The following IL17B variants were observed in gnomAD, a reference collection of about 807,000 sequenced individuals.
The protein encoded by IL17B is interleukin 17B, also known as interleukin-17B.
Under a neutral mutation model 14.7 loss-of-function variants are expected in IL17B, and 14 were observed. The observed-to-expected ratio is 0.95, with a 90% CI of 0.63 to 1.49. The LOEUF is 1.49. IL17B is among the 40% of genes most tolerant of loss of function. The pLI, the probability that IL17B is intolerant of heterozygous loss-of-function variation, is 0.00. For synonymous variants in IL17B, 105 were observed against 94.8 expected (o/e 1.11, Z -0.62); for missense variants, 233 against 252.8 (o/e 0.92, Z 0.53).
At chr5:149,385,339 GA>G (rs1758803111) in intron 1 of IL17B, among the ~76,000 whole-genome samples, 1 of 151,770 alleles carries the variant, frequency 6.6e-6, no homozygotes, top group Non-Finnish European at 1.5e-5. Flanking sequence ...TGGGCAACAA[GA>G]ATGAAACTCC....
At chr5:149,383,496 T>C (rs1758751614), upstream of IL17B, among the ~76,000 whole-genome samples, 1 of 152,210 alleles carries the variant, frequency 6.6e-6, no homozygotes, top group African/African-American at 2.4e-5. Flanking sequence ...CTTTGCTGGC[T>C]GCGACCAGGA....
In IL17B at chr5:149,377,009, ATGG is replaced by A; in HGVS notation, c.35_37del (p.Thr12del). On this transcript the variant is annotated inframe_deletion, in exon 2 of 3. Transcript: ENST00000261796. ...CTGGCCCAGCCCCAGGAAGATGGAA[ATGG>A]TAAGAAGAAACAGCTGGGGAGGAAA... 2 of 1,559,566 alleles carry A rather than the reference ATGG, an allele frequency of 1.3e-6. No homozygotes were observed. The highest frequency in any genetic ancestry group is 1.2e-5 in the South Asian group (1 of 81,330).
At chr5:149,401,923 C>T (rs1474509434) in intron 1 of IL17B, among the ~76,000 whole-genome samples, 1 of 152,204 alleles carries the variant, frequency 6.6e-6, no homozygotes, top group Non-Finnish European at 1.5e-5. Context: ...TTTCACACAT[C>T]GAACGGTGCA....
intron 1 of IL17B, among the ~76,000 whole-genome samples, chr5:149,393,787 C>T (rs1224046853): frequency 1.4e-4 from 21 of 152,100 alleles, no homozygotes; most frequent in Admixed American, 3.3e-4. Context: ...CTGAACTACC[C>T]GTGGACTTTT....
chr5:149,398,975 A>C (rs1444079154), intron 1 of IL17B, among the ~76,000 whole-genome samples: 1 of 152,206 alleles, frequency 6.6e-6, no homozygotes, highest in Non-Finnish European at 1.5e-5. Context: ...GGTGAAAGGC[A>C]CTTCTTACGT....
chr5:149,383,553 T>TCC (rs1433547900), upstream of IL17B, among the ~76,000 whole-genome samples: 1 of 152,004 alleles, frequency 6.6e-6, no homozygotes, highest in Non-Finnish European at 1.5e-5. Context: ...CATGCTGCCC[T>TCC]CCCCTCCCTC....
chr5:149,379,829 G>A (rs1385546921), upstream of IL17B, among the ~76,000 whole-genome samples: 1 of 152,100 alleles, frequency 6.6e-6, no homozygotes, highest in Non-Finnish European at 1.5e-5. Context: ...AGCCAGAAAG[G>A]GACTTGTCAC....
chr5:149,392,992 GTGTGTGC>G (rs1254291563), intron 1 of IL17B, among the ~76,000 whole-genome samples: 37 of 150,444 alleles, frequency 2.5e-4, no homozygotes, highest in African/African-American at 8.3e-4. Context: ...GTGTGTGCGT[GTGTGTGC>G]TGCGTGTGTG....
intron 1 of IL17B, among the ~76,000 whole-genome samples, chr5:149,397,361 G>A (rs192840198): frequency 1.4e-3 from 215 of 152,258 alleles, no homozygotes; most frequent in African/African-American, 4.1e-3. Context: ...TAGAGACAGC[G>A]TTTTGCCATG....
intron 1 of IL17B, among the ~76,000 whole-genome samples, chr5:149,377,647 T>C (rs1758581220): frequency 6.6e-6 from 1 of 152,162 alleles, no homozygotes. Context: ...TAGCGACAAG[T>C]CCAGGATGGG....
intron 2 of IL17B, among the ~76,000 whole-genome samples, chr5:149,376,405 G>A (rs949861102): frequency 1.3e-5 from 2 of 152,232 alleles, no homozygotes; most frequent in East Asian, 1.9e-4. Flanking sequence ...AAGGGCGTCC[G>A]AGGCCCACAG....
chr5:149,386,989 A>T (rs1758838852), intron 1 of IL17B, among the ~76,000 whole-genome samples: 1 of 152,228 alleles, frequency 6.6e-6, no homozygotes, highest in African/African-American at 2.4e-5. Flanking sequence ...TACAGACATG[A>T]GCCACTGTGC....
At chr5:149,394,679 A>G (rs1244394312) in intron 1 of IL17B, among the ~76,000 whole-genome samples, 1 of 152,250 alleles carries the variant, frequency 6.6e-6, no homozygotes, top group African/African-American at 2.4e-5. Flanking sequence ...GAGCTGGCCA[A>G]CTTTCACAAT....
At chr5:149,378,956 C>T (rs904989337) in intron 1 of IL17B, among the ~76,000 whole-genome samples, 7 of 152,186 alleles carry the variant, frequency 4.6e-5, no homozygotes, top group Non-Finnish European at 8.8e-5. Context: ...TTGCCGGGAT[C>T]TCCCCAGACG....
chr5:149,395,633 C>T (rs555122191), intron 1 of IL17B, among the ~76,000 whole-genome samples: 18 of 152,202 alleles, frequency 1.2e-4, no homozygotes, highest in Non-Finnish European at 2.4e-4. Context: ...GGAAGGAATG[C>T]CAATGCAGTC....
upstream of IL17B, among the ~76,000 whole-genome samples, chr5:149,379,487 T>A (rs1279653786): frequency 6.6e-6 from 1 of 152,160 alleles, no homozygotes; most frequent in Non-Finnish European, 1.5e-5. Context: ...CGAGGGACAA[T>A]GCCCTGTGTG....
intron 1 of IL17B, among the ~76,000 whole-genome samples, chr5:149,389,568 T>C (rs2127620607): frequency 6.6e-6 from 1 of 152,336 alleles, no homozygotes; most frequent in Non-Finnish European, 1.5e-5. Flanking sequence ...TTAATCCCAG[T>C]CATGGGGCTT....
intron 1 of IL17B, among the ~76,000 whole-genome samples, chr5:149,390,633 A>AGG (rs1383753307): frequency 6.7e-6 from 1 of 149,864 alleles, no homozygotes; most frequent in African/African-American, 2.5e-5. Context: ...ACACACACAG[A>AGG]GATACACAAG....
rs1189195741 is a variant in IL17B at position 149,374,699 on chromosome 5, A to G, written c.312-99T>C. On this transcript the variant is annotated intron_variant, in intron 2 of 2. Coordinates refer to ENST00000261796, the MANE Select transcript of IL17B (RefSeq NM_014443.3). This position sits in a 1 kb window ranked among gnomAD's most constrained non-coding sequence, Gnocchi z 5.0. The stretch of plus-strand genomic sequence containing the variant: ...CCTGCCTTTCCTAATCAGAGTTTTA[A>G]TTTCCACAGCAAGACTGTGTTGGGC... 2.3e-6 allele frequency: 2 copies of G among 873,116 alleles called. No homozygotes were observed. The highest frequency in any genetic ancestry group is 3.5e-6 in the Non-Finnish European group (2 of 571,282). The allele number at this position is 873,116 out of a possible 1,614,324, so 54.1% of individuals were successfully genotyped here. A position where few individuals can be genotyped will look rare whatever the true frequency, so the allele number is the denominator to read the frequency against.
Sources: allele counts gnomAD v4.1 joint callset (sites outside exome capture counted in the v4.1 genomes callset), GRCh38; gene constraint gnomAD v4.1.1; non-coding constraint Gnocchi (gnomAD v3.1); transcripts MANE v1.5; gene names NCBI Gene and HGNC (gene_info 2026-07-23, HGNC 2026-07-21).